The following TAF15 variants were observed in gnomAD, a reference collection of about 807,000 sequenced individuals.
TAF15 encodes TATA-box binding protein associated factor 15.
TAF15 carries 37 observed loss-of-function variants against 102.5 expected under a neutral mutation model. The observed-to-expected ratio is 0.36, with a 90% CI of 0.28 to 0.47. The LOEUF (loss-of-function observed/expected upper bound fraction) is 0.47, where lower values mean the gene tolerates loss of function less well. Ranked by LOEUF, TAF15 falls within the 20% of genes least tolerant of loss-of-function variation. The probability of loss-of-function intolerance (pLI) is 0.99; values close to 1 mark genes in which losing one functional copy is unlikely to be tolerated. For missense variants in TAF15, 652 were observed against 760.7 expected (o/e 0.86, Z 1.68); for synonymous variants, 273 against 259.2 (o/e 1.05, Z -0.51).
At chr17:35,836,262 T>G (rs1319341778) in intron 10 of TAF15, 21 bp downstream of exon 10, 1 of 1,467,662 alleles carries the variant, frequency 6.8e-7, no homozygotes, top group Non-Finnish European at 9.5e-7. Context: ...ATATTATATG[T>G]TGAAAATCTC....
intron 1 of TAF15, 89 bp downstream of exon 1, chr17:35,809,665 A>AGAAGCCTCCGGCCCTGAGGG (rs2087101049): frequency 3.8e-6 from 6 of 1,584,550 alleles, no homozygotes; most frequent in South Asian, 2.2e-5. Flanking sequence ...GGCCCTGAGG[A>AGAAGCCTCCGGCCCTGAGGG]GAAGCCTCCG....
intron 7 of TAF15, among the ~76,000 whole-genome samples, chr17:35,828,248 A>C (rs1416745081): frequency 1.3e-5 from 2 of 152,336 alleles, no homozygotes; most frequent in Non-Finnish European, 2.9e-5. Context: ...AAAAATAAAA[A>C]TATGTATACG....
intron 1 of TAF15, 59 bp from the exon 2 acceptor site, chr17:35,817,657 C>A: frequency 6.7e-7 from 1 of 1,491,060 alleles, no homozygotes; most frequent in Non-Finnish European, 9.3e-7. Flanking sequence ...GAGCTAAAGT[C>A]AGCCTTTGAA....
At chr17:35,818,867 C>T (rs570267184) in intron 2 of TAF15, among the ~76,000 whole-genome samples, 5 of 151,518 alleles carry the variant, frequency 3.3e-5, no homozygotes, top group South Asian at 2.1e-4. Flanking sequence ...TTAGAAAAAG[C>T]GTTTTATTAT....
chr17:35,841,920 A>G (rs998363946), intron 11 of TAF15, among the ~76,000 whole-genome samples: 4 of 151,778 alleles, frequency 2.6e-5, no homozygotes, highest in Non-Finnish European at 5.9e-5. Flanking sequence ...CTTGTCTCAA[A>G]CTCTTGGCCT....
chr17:35,814,759 G>A (rs891937325), intron 1 of TAF15, among the ~76,000 whole-genome samples: 10 of 151,844 alleles, frequency 6.6e-5, no homozygotes, highest in South Asian at 2.1e-4. Flanking sequence ...AGGCGGAGGC[G>A]GGAGAGTTGT....
Position 35,836,111 on chromosome 17 carries a change from C to A in TAF15, c.674-21C>A, listed in dbSNP as rs2087471198. The A allele has an allele frequency of 2.7e-6, 4 of 1,501,348 alleles. No homozygotes were observed. The East Asian group carries it at 9.0e-5, about 34-fold the overall frequency. 93.0% of individuals were successfully genotyped at this position (1,501,348 alleles called of 1,614,324 possible). A position where few individuals can be genotyped will look rare whatever the true frequency, so the allele number is the denominator to read the frequency against. ...ATAACCAAGGAATATGTAAAATTAA[C>A]CATCACTTTTTTTCTCTTAGATTCA... On this transcript the variant is annotated intron_variant, in intron 9 of 15. Transcript: ENST00000605844.
At chr17:35,816,679 C>T (rs1016076932) in intron 1 of TAF15, 2 of 152,104 alleles carry the variant, frequency 1.3e-5, no homozygotes, top group Non-Finnish European at 2.9e-5. Flanking sequence ...ATTCATTTGA[C>T]TCTGAGTAAA....
chr17:35,832,090 CAAA>C (rs372590905), intron 7 of TAF15, among the ~76,000 whole-genome samples: 2 of 150,704 alleles, frequency 1.3e-5, no homozygotes, highest in Non-Finnish European at 3.0e-5. Flanking sequence ...AAAAAACAAA[CAAA>C]AAAAAACCTC....
intron 1 of TAF15, 47 bp downstream of exon 1, chr17:35,809,623 G>T: frequency 6.2e-7 from 1 of 1,612,694 alleles, no homozygotes; most frequent in Non-Finnish European, 8.5e-7. Context: ...GAAGGTCCTG[G>T]CGGGGTTGGG....
intron 2 of TAF15, chr17:35,818,815 A>G (rs917825393): frequency 2.1e-5 from 3 of 144,056 alleles, no homozygotes; most frequent in Non-Finnish European, 4.6e-5. Flanking sequence ...CCCTGTCTCG[A>G]AAAAAAAAAA....
intron 7 of TAF15, among the ~76,000 whole-genome samples, chr17:35,828,601 C>CACT (rs1029090266): frequency 3.9e-5 from 6 of 152,020 alleles, no homozygotes; most frequent in African/African-American, 1.4e-4. Context: ...CACTGTGGCA[C>CACT]ACGCCTGTAG....
chr17:35,815,610 A>G (rs1281301016), intron 1 of TAF15, among the ~76,000 whole-genome samples: 1 of 152,230 alleles, frequency 6.6e-6, no homozygotes, highest in Non-Finnish European at 1.5e-5. Flanking sequence ...TGCTGCGATT[A>G]TGTATTTTGT....
At chr17:35,838,611 A>C (rs2087504142) in intron 11 of TAF15, 58 bp downstream of exon 11, 2 of 1,611,536 alleles carry the variant, frequency 1.2e-6, no homozygotes, top group East Asian at 2.2e-5. Flanking sequence ...TCTAGTCTGA[A>C]AGTGAGAATA....
intron 6 of TAF15, chr17:35,823,481 C>CCT (rs2087287874): frequency 6.0e-6 from 1 of 166,314 alleles, no homozygotes; most frequent in Non-Finnish European, 1.3e-5. Context: ...GGGCAGATCA[C>CCT]GAGGTCAGGA....
At chr17:35,812,054 A>G (rs993342177) in intron 1 of TAF15, among the ~76,000 whole-genome samples, 11 of 152,158 alleles carry the variant, frequency 7.2e-5, no homozygotes, top group African/African-American at 2.4e-4. Flanking sequence ...CTGTGTAGGG[A>G]CCAGAGATAA....
At chr17:35,842,819 G>A (rs1347839303) in intron 12 of TAF15, among the ~76,000 whole-genome samples, 2 of 151,614 alleles carry the variant, frequency 1.3e-5, no homozygotes, top group Middle Eastern at 3.4e-3. Context: ...CACAACCTCC[G>A]CCTCCCGGGT....
intron 12 of TAF15, among the ~76,000 whole-genome samples, 178 bp from the exon 13 acceptor site, chr17:35,843,899 C>T (rs2087577268): frequency 6.6e-6 from 1 of 152,114 alleles, no homozygotes; most frequent in Non-Finnish European, 1.5e-5. Context: ...TTTTCAAGGT[C>T]CTCTGTTTAC....
At chr17:35,832,297 A>G (rs2087417042) in intron 7 of TAF15, among the ~76,000 whole-genome samples, 1 of 152,188 alleles carries the variant, frequency 6.6e-6, no homozygotes, top group Non-Finnish European at 1.5e-5. Context: ...TGAGTTTCAT[A>G]TTGTCTATAT....
Sources: allele counts gnomAD v4.1 joint callset (sites outside exome capture counted in the v4.1 genomes callset), GRCh38; gene constraint gnomAD v4.1.1; transcripts MANE v1.5; gene names NCBI Gene and HGNC (gene_info 2026-07-23, HGNC 2026-07-21).